PAFAH2: variants seen among roughly 807,000 people sequenced by gnomAD.
The protein encoded by PAFAH2 is platelet-activating factor acetylhydrolase 2, cytoplasmic.
Under a neutral mutation model 49.0 loss-of-function variants are expected in PAFAH2, and 42 were observed. The ratio of observed to expected loss-of-function variants is 0.86; its 90% CI spans 0.67 to 1.11. PAFAH2 has a LOEUF of 1.11. Among genes scored for constraint, PAFAH2 ranks in the 50% least tolerant of loss-of-function variants. PAFAH2 has a pLI of 0.00. For synonymous variants in PAFAH2, 184 were observed against 181.3 expected (o/e 1.01, Z -0.12); for missense variants, 503 against 501.8 (o/e 1.00, Z -0.02).
intron 8 of PAFAH2, among the ~76,000 whole-genome samples, chr1:25,975,548 T>C (rs753667508): frequency 1.3e-5 from 2 of 152,020 alleles, no homozygotes; most frequent in African/African-American, 2.4e-5. Context: ...CACTCCAGCA[T>C]AGGGCAACAG....
chr1:25,963,962 G>C (rs2049381511), intron 10 of PAFAH2, among the ~76,000 whole-genome samples: 1 of 152,216 alleles, frequency 6.6e-6, no homozygotes, highest in Non-Finnish European at 1.5e-5. Context: ...CAGCGTGCCT[G>C]GCGCGTTCGA....
intron 2 of PAFAH2, among the ~76,000 whole-genome samples, chr1:25,990,483 A>G (rs75621053): frequency 0.012 from 1,814 of 152,290 alleles, 31 homozygotes; most frequent in African/African-American, 0.041. Flanking sequence ...CTCTAAAGCT[A>G]GAGTCCCCCC....
At chr1:25,982,114 T>C (rs2049698539) in intron 7 of PAFAH2, among the ~76,000 whole-genome samples, 1 of 151,784 alleles carries the variant, frequency 6.6e-6, no homozygotes, top group Non-Finnish European at 1.5e-5. Context: ...GGAGAGAGTC[T>C]GGTGAGAAAA....
chr1:25,990,740 C>T lies in PAFAH2; in HGVS notation c.77G>A (p.Gly26Asp), dbSNP rs752506996. 8.1e-6 allele frequency: 13 copies of T among 1,613,536 alleles called. No homozygotes were observed. The highest frequency in any genetic ancestry group is 1.3e-5 in the African/African-American group (1 of 74,896). The change falls in exon 2 of 11, where the codon GGT becomes GAT. Residue 26 changes from glycine to aspartate, a missense_variant. Transcript: ENST00000374282. ...GGGGACACTTACCTGGAGATTCTGA[C>T]CCTCCATCACATCCCCACAGCCTAC... Reference protein sequence around the residue: ...HLVGCGDVMEGQNLQGSFFRL... With the variant: ...HLVGCGDVMEDQNLQGSFFRL...
At position 25,983,055 on chromosome 1, in the gene PAFAH2, T is replaced by C. The variant is rs769448094; in HGVS notation, c.553-578A>G. On this transcript the variant is annotated intron_variant, in intron 6 of 10. Transcript: ENST00000374282. ...CAACTCAAACACAGTCCTATTCTCA[T>C]AGGTGACAAGGCTGAACACACACAA... Among the ~76,000 whole-genome samples, 3 of 152,120 alleles carry C rather than the reference T, an allele frequency of 2.0e-5. No individual in the cohort carries two copies. The South Asian group carries it at 6.2e-4, about 32-fold the overall frequency.
At chr1:25,987,540 C>T (rs960091399) in intron 4 of PAFAH2, among the ~76,000 whole-genome samples, 4 of 151,980 alleles carry the variant, frequency 2.6e-5, no homozygotes, top group Middle Eastern at 3.2e-3. Flanking sequence ...GTCTCTTATT[C>T]GCTACTACGC....
rs773975488 is a variant in PAFAH2 at position 25,982,449 on chromosome 1, C to A, written c.581G>T (p.Arg194Leu). The stretch of plus-strand genomic sequence containing the variant: ...GACCTCTTGCAGGATCTTCAACACC[C>A]GTAAACACTCGCTTACCCGCTGATG... ...QVHQRVSECL[R>L]VLKILQEVTA... The change falls in exon 7 of 11, where the codon CGG (arginine) becomes CTG (leucine). Residue 194 changes from arginine (R) to leucine (L), a missense_variant. Physicochemically the swap from Arg to Leu is moderately radical, Grantham distance 102. Transcript: ENST00000374282. 1 of 1,614,052 alleles carries A rather than the reference C, an allele frequency of 6.2e-7. No individual in the cohort carries two copies. The highest frequency in any genetic ancestry group is 1.7e-5 in the Admixed American group (1 of 60,020).
chr1:25,964,775 CA>C (rs1268365089), intron 10 of PAFAH2, among the ~76,000 whole-genome samples: 1 of 152,022 alleles, frequency 6.6e-6, no homozygotes, highest in African/African-American at 2.4e-5. Context: ...ATGACACAAA[CA>C]AATGGAAAAA....
chr1:25,971,540 C>A (rs1361676588), intron 10 of PAFAH2, among the ~76,000 whole-genome samples: 1 of 151,952 alleles, frequency 6.6e-6, no homozygotes, highest in Admixed American at 6.6e-5. Flanking sequence ...AAATGCATAA[C>A]GGAACAAAGA....
intron 4 of PAFAH2, among the ~76,000 whole-genome samples, chr1:25,985,065 G>A (rs2049761993): frequency 6.6e-6 from 1 of 151,882 alleles, no homozygotes; most frequent in Non-Finnish European, 1.5e-5. Flanking sequence ...TACCATGTTG[G>A]TCAGGCTGGT....
chr1:25,988,363 C>T, intron 3 of PAFAH2, 36 bp from the exon 4 acceptor site: 1 of 1,529,844 alleles, frequency 6.5e-7, no homozygotes, highest in Non-Finnish European at 9.0e-7. Flanking sequence ...ATCTGGCTGC[C>T]CCAAAGCTGT....
intron 2 of PAFAH2, among the ~76,000 whole-genome samples, chr1:25,990,352 T>C (rs564337947): frequency 2.0e-5 from 3 of 151,782 alleles, no homozygotes; most frequent in African/African-American, 7.3e-5. Flanking sequence ...GGTCAGGGAG[T>C]CCAAGGCCAA....
At chr1:25,987,492 G>A (rs559833135) in intron 4 of PAFAH2, among the ~76,000 whole-genome samples, 4 of 152,074 alleles carry the variant, frequency 2.6e-5, no homozygotes, top group Non-Finnish European at 5.9e-5. Flanking sequence ...AGCACTTTGG[G>A]AGGCCGAGGC....
At chr1:25,980,384 G>A (rs907074975) in intron 7 of PAFAH2, among the ~76,000 whole-genome samples, 4 of 151,450 alleles carry the variant, frequency 2.6e-5, no homozygotes, top group African/African-American at 7.3e-5. Flanking sequence ...GTACAATGGC[G>A]CGATCTTGGC....
intron 7 of PAFAH2, among the ~76,000 whole-genome samples, 160 bp from the exon 8 acceptor site, chr1:25,976,933 G>T (rs375043706): frequency 1.8e-4 from 27 of 152,076 alleles, no homozygotes; most frequent in Middle Eastern, 6.8e-3. Flanking sequence ...CTTACCTATG[G>T]AAGGGGCAAC....
Position 25,972,573 on chromosome 1 carries a change from G to A in PAFAH2, c.1069C>T (p.Leu357=). 1 of 1,613,644 alleles carries A rather than the reference G, an allele frequency of 6.2e-7. No homozygotes were observed. The change falls in exon 10 of 11, where the codon CTG becomes TTG. Residue 357 remains leucine, a synonymous_variant. Coordinates refer to ENST00000374282, the MANE Select transcript of PAFAH2 (RefSeq NM_000437.4). ...TTCTCCTTACCGAGGTGCTTCTGCA[G>A]GAAGGCCAACATGGCCCGTACCATA... is the stretch of plus-strand genomic sequence containing the variant. ...EVMVRAMLAF[L]QKHLDLKEDY... is the part of the protein sequence containing the mutation.
At chr1:25,962,535 A>G (rs1014677135) in intron 10 of PAFAH2, among the ~76,000 whole-genome samples, 2 of 152,192 alleles carry the variant, frequency 1.3e-5, no homozygotes, top group Non-Finnish European at 1.5e-5. Context: ...TCAGAAAGGC[A>G]GAGAGGGCTG....
At chr1:25,982,531 GA>G in intron 6 of PAFAH2, 54 bp from the exon 7 acceptor site, 1 of 1,344,926 alleles carries the variant, frequency 7.4e-7, no homozygotes, top group Non-Finnish European at 1.1e-6. Context: ...TGTCCAGCGA[GA>G]ATCTCCCTCA....
In PAFAH2 at chr1:25,984,480, C is replaced by A. The variant is rs777378695; in HGVS notation, c.390G>T (p.Val130=). 8 of 1,613,686 alleles carry A rather than the reference C, an allele frequency of 5.0e-6. No homozygotes were observed. The East Asian group carries it at 1.8e-4, about 36-fold the overall frequency. Residue 130 remains valine (V), a synonymous_variant, in exon 5 of 11, where the codon GTG becomes GTT. Transcript: ENST00000374282. ...CTCACCTGTGCTCTGGCACAGCAAC[C>A]ACAAAGCCACGTGAGGCCAGCTCCA... is the stretch of plus-strand genomic sequence containing the variant. ...FCMELASRGF[V]VAVPEHRDRS... is the part of the protein sequence containing the mutation.
Sources: allele counts gnomAD v4.1 joint callset (sites outside exome capture counted in the v4.1 genomes callset), GRCh38; gene constraint gnomAD v4.1.1; transcripts MANE v1.5; gene names NCBI Gene and HGNC (gene_info 2026-07-23, HGNC 2026-07-21).